Variants in VWA3B observed in about 807,000 individuals in gnomAD.
The protein encoded by VWA3B is von Willebrand factor A domain containing 3B.
Under a neutral mutation model 158.3 loss-of-function variants are expected in VWA3B, and 138 were observed. The observed-to-expected ratio is 0.87, with a 90% CI of 0.76 to 1.00. The LOEUF is 1.00. Ranked by LOEUF, VWA3B falls within the 50% of genes least tolerant of loss-of-function variation. VWA3B has a pLI of 0.00. For missense variants in VWA3B, 1,555 were observed against 1,565.1 expected, an observed-to-expected ratio of 0.99 and a Z score of 0.11; for synonymous variants, 596 against 587.3, an observed-to-expected ratio of 1.01 and a Z score of -0.21.
intron 12 of VWA3B, among the ~76,000 whole-genome samples, chr2:98,209,496 G>T (rs1258081472): frequency 6.6e-6 from 1 of 152,094 alleles, no homozygotes; most frequent in Non-Finnish European, 1.5e-5. Flanking sequence ...TAGCCAGGAT[G>T]CTCTCGATCT....
At chr2:98,107,121 G>C (rs1006183387) in intron 2 of VWA3B, among the ~76,000 whole-genome samples, 2 of 151,956 alleles carry the variant, frequency 1.3e-5, no homozygotes, top group African/African-American at 4.8e-5. Context: ...TTCTTTGTTA[G>C]CCTGTTACTT....
At chr2:98,129,097 C>T (rs1290543989) in intron 6 of VWA3B, among the ~76,000 whole-genome samples, 2 of 50,786 alleles carry the variant, frequency 3.9e-5, no homozygotes, top group African/African-American at 1.7e-4. Context: ...CTGGGAAGTA[C>T]TAGGTGAAGG....
chr2:98,179,798 CTTTCTTTCTTTCT>C (rs1680352837), intron 8 of VWA3B, among the ~76,000 whole-genome samples: 2 of 114,922 alleles, frequency 1.7e-5, no homozygotes, highest in African/African-American at 8.9e-5. Context: ...TTCTTTCTTT[CTTTCTTTCTTTCT>C]TTCTTTCTTT....
chr2:98,323,433 C>A, the VWA3B span, among the ~76,000 whole-genome samples: 52 of 151,540 alleles, frequency 3.4e-4, no homozygotes, highest in Non-Finnish European at 5.9e-4. Flanking sequence ...ACCTCAGAGA[C>A]CCATGGAATA....
At chr2:98,290,802 G>A (rs1689448389) in intron 23 of VWA3B, 180 bp downstream of exon 23, 1 of 512,832 alleles carries the variant, frequency 1.9e-6, no homozygotes, top group Non-Finnish European at 3.4e-6. Context: ...GAGCGTATTT[G>A]GGCCCCCCAA....
At chr2:98,118,889 GGTTT>G (rs1436156849) in intron 3 of VWA3B, among the ~76,000 whole-genome samples, 1 of 152,224 alleles carries the variant, frequency 6.6e-6, no homozygotes, top group African/African-American at 2.4e-5. Flanking sequence ...TGTGAAGGAT[GGTTT>G]ATTTGTACAT....
Position 98,162,914 on chromosome 2 carries a change from T to G in VWA3B, c.1052T>G (p.Leu351Arg). 6.2e-7 allele frequency: 1 copy of G among 1,614,078 alleles called. No homozygotes were observed. The highest frequency in any genetic ancestry group is 8.5e-7 in the Non-Finnish European group (1 of 1,180,046). ...WQEMEEACST[L>R]AQIQRLVAEP... ...GAGATGGAGGAAGCCTGCAGCACGC[T>G]GGCCCAGATCCAGAGGCTGGTGGCC... Residue 351 changes from leucine to arginine, a missense_variant, in exon 8 of 28, where the codon CTG becomes CGG. Coordinates refer to ENST00000477737, the MANE Select transcript of VWA3B (RefSeq NM_144992.5).
intron 22 of VWA3B, among the ~76,000 whole-genome samples, chr2:98,280,841 G>A (rs1277588596): frequency 1.3e-5 from 2 of 152,190 alleles, no homozygotes; most frequent in South Asian, 2.1e-4. Context: ...GCCTTGGCCG[G>A]CCAGGCAGCA....
intron 14 of VWA3B, among the ~76,000 whole-genome samples, chr2:98,224,550 G>A (rs111273575): frequency 3.0e-4 from 46 of 151,900 alleles, no homozygotes; most frequent in African/African-American, 1.1e-3. Flanking sequence ...AAAGGGCTAC[G>A]TTCAAAAACT....
chr2:98,102,697 C>A (rs763173755), intron 2 of VWA3B, among the ~76,000 whole-genome samples: 1 of 152,180 alleles, frequency 6.6e-6, no homozygotes, highest in Non-Finnish European at 1.5e-5. Flanking sequence ...TTTCTTGTAA[C>A]GTCATTGTCA....
intron 22 of VWA3B, among the ~76,000 whole-genome samples, chr2:98,278,139 T>C (rs563665622): frequency 3.9e-5 from 6 of 152,336 alleles, no homozygotes; most frequent in African/African-American, 9.6e-5. Context: ...GATCTACTGA[T>C]GTTGAGACAG....
In VWA3B at chr2:98,298,036, C is replaced by G. The variant is rs148529922; in HGVS notation, c.3282+5C>G. 1.5e-3 allele frequency: 2,374 copies of G among 1,549,468 alleles called. 43 individuals carry two copies. In the African/African-American group the frequency reaches 0.03, roughly 20 times the overall value. On this transcript the variant is annotated splice_donor_5th_base_variant and intron_variant, in intron 24 of 27. Coordinates refer to ENST00000477737, the MANE Select transcript of VWA3B (RefSeq NM_144992.5). ...ATGCCCTGCCCGCTGCTCCAGGTAC[C>G]CAGTCCCTGATGTGTTCTGGGGCCC...
chr2:98,142,292 T>C (rs543079046), intron 7 of VWA3B, among the ~76,000 whole-genome samples: 4 of 152,228 alleles, frequency 2.6e-5, no homozygotes, highest in South Asian at 4.1e-4. Flanking sequence ...ATTCCCCCCA[T>C]GCAGGCTTCC....
At chr2:98,168,705 T>C (rs1679321517) in intron 8 of VWA3B, among the ~76,000 whole-genome samples, 1 of 152,156 alleles carries the variant, frequency 6.6e-6, no homozygotes, top group South Asian at 2.1e-4. Flanking sequence ...GAAAGCTTAC[T>C]GAATGGAATC....
intron 7 of VWA3B, 116 bp downstream of exon 7, chr2:98,134,055 A>C: frequency 3.6e-6 from 3 of 833,026 alleles, no homozygotes; most frequent in Non-Finnish European, 5.9e-6. Flanking sequence ...GTATAATGTT[A>C]TTAATGTAGT....
At chr2:98,267,811 AAAG>A (rs1687940433) in intron 21 of VWA3B, among the ~76,000 whole-genome samples, 1 of 152,162 alleles carries the variant, frequency 6.6e-6, no homozygotes, top group South Asian at 2.1e-4. Flanking sequence ...ATAAAGAAAA[AAAG>A]AGAGAAGAAT....
In VWA3B at chr2:98,170,900, C is replaced by G. The variant is rs559135496; in HGVS notation, c.1114+7924C>G. Among the ~76,000 whole-genome samples, 3 of 152,232 alleles carry G rather than the reference C, an allele frequency of 2.0e-5. 1 individual carries two copies. The South Asian group carries it at 6.2e-4, about 32-fold the overall frequency. On this transcript the variant is annotated intron_variant, in intron 8 of 27. Coordinates refer to ENST00000477737, the MANE Select transcript of VWA3B (RefSeq NM_144992.5). Reference sequence around the variant, plus strand: ...GATTACAGGCGTGAGCCACCGTGCCCGACCAGAACAATATTAAACCTGGCT... The same window carrying G: ...GATTACAGGCGTGAGCCACCGTGCCGGACCAGAACAATATTAAACCTGGCT...
At chr2:98,258,495 C>A (rs10204382) in intron 21 of VWA3B, among the ~76,000 whole-genome samples, 7,669 of 151,870 alleles carry the variant, frequency 0.05, 643 homozygotes, top group African/African-American at 0.17. Context: ...CATAGAATGT[C>A]TTTCCATTTA....
chr2:98,132,227 C>T (rs1675927561), intron 6 of VWA3B, among the ~76,000 whole-genome samples: 1 of 152,268 alleles, frequency 6.6e-6, no homozygotes, highest in Non-Finnish European at 1.5e-5. Context: ...TCCTCCTGTC[C>T]ATGCTCTGGG....
Sources: gnomAD v4.1 joint callset for allele counts (sites outside exome capture counted in the v4.1 genomes callset) on GRCh38, gnomAD v4.1.1 for gene constraint, MANE v1.5 for transcripts, NCBI Gene and HGNC (gene_info 2026-07-23, HGNC 2026-07-21) for gene names.